SPTB: variants seen among roughly 807,000 people sequenced by gnomAD.
SPTB encodes the protein spectrin beta, erythrocytic, also known as spectrin beta chain, erythrocytic.
In SPTB, 45 loss-of-function variants were observed where a neutral mutation model predicts 256.2. That is an observed-to-expected ratio of 0.18 (90% confidence interval 0.14 to 0.23). The LOEUF is 0.23. Among genes scored for constraint, SPTB ranks in the 10% least tolerant of loss-of-function variants. SPTB has a pLI of 1.00. For synonymous variants in SPTB, 1,231 were observed against 1,243.1 expected, an observed-to-expected ratio of 0.99 and a Z score of 0.21; for missense variants, 2,715 against 3,040.4, an observed-to-expected ratio of 0.89 and a Z score of 2.52.
chr14:64,855,402 T>C (rs1420347200), intron 1 of SPTB, among the ~76,000 whole-genome samples: 2 of 152,218 alleles, frequency 1.3e-5, no homozygotes, highest in Admixed American at 6.5e-5. Context: ...TTATTCTTTA[T>C]GGCTTGGGGA....
At chr14:64,822,796 AC>A in intron 2 of SPTB, 150 bp downstream of exon 2, 1 of 1,199,640 alleles carries the variant, frequency 8.3e-7, no homozygotes. Context: ...TCCCAAGGGG[AC>A]CCCCACCTCC....
intron 8 of SPTB, among the ~76,000 whole-genome samples, 156 bp from the exon 9 acceptor site, chr14:64,800,090 C>A (rs1269405112): frequency 1.3e-5 from 2 of 152,220 alleles, no homozygotes; most frequent in Non-Finnish European, 2.9e-5. Context: ...CCCAAGTGTG[C>A]TGGTAGGGCA....
In SPTB at chr14:64,793,360, C is replaced by T. The variant is rs147712872; in HGVS notation, c.2303G>A (p.Gly768Asp). The T allele has an allele frequency of 4.5e-4, 729 of 1,612,188 alleles. 8 individuals carry two copies. The East Asian group carries it at 0.014, about 31-fold the overall frequency. Reference sequence around the variant, plus strand: ...CCCTTCGTCCTGCCCCACATCTTCACCAGAGAGCAGCCGGTGGGCGTCTTG... The same window carrying T: ...CCCTTCGTCCTGCCCCACATCTTCATCAGAGAGCAGCCGGTGGGCGTCTTG... ...WLQDAHRLLS[G>D]EDVGQDEGAT... The change falls in exon 14 of 36, where the codon GGT becomes GAT. Residue 768 changes from glycine to aspartate, a missense_variant. By Grantham distance (94) the Gly-to-Asp change is moderately conservative. Around this residue, in one of 4 missense-constraint regions of SPTB, gnomAD observed 2,239 missense variants for 2,384.4 expected, o/e 0.94. Coordinates refer to ENST00000644917, the MANE Select transcript of SPTB (RefSeq NM_001355436.2). This position sits in a 1 kb window ranked among gnomAD's most constrained non-coding sequence, Gnocchi z 7.0.
chr14:64,815,836 C>T (rs371251285), intron 2 of SPTB, among the ~76,000 whole-genome samples: 1 of 152,270 alleles, frequency 6.6e-6, no homozygotes, highest in East Asian at 1.9e-4. Flanking sequence ...GGGCTTTGGG[C>T]GTCATCTAGT....
At chr14:64,839,081 G>A (rs539345862) in intron 1 of SPTB, among the ~76,000 whole-genome samples, 34 of 151,906 alleles carry the variant, frequency 2.2e-4, no homozygotes, top group Non-Finnish European at 3.5e-4. Flanking sequence ...GCAGTGAGCC[G>A]AGATCGCACC....
intron 1 of SPTB, among the ~76,000 whole-genome samples, chr14:64,832,628 A>G (rs1187344021): frequency 6.6e-6 from 1 of 152,122 alleles, no homozygotes; most frequent in African/African-American, 2.4e-5. Flanking sequence ...AAGGCCCACA[A>G]GCCCCTCATG....
rs570395215 is a variant in SPTB, at chr14:64,749,368, C to T, written c.6925G>A (p.Asp2309Asn). ...SLPLPSLSGP[D>N]ASLGKKDKEK... The stretch of plus-strand genomic sequence containing the variant: ...TTGTCTTTCTTGCCGAGGCTGGCGT[C>T]GGGGCCGGAGAGGGAAGGCAGGGGC... Residue 2309 changes from aspartate to asparagine, a missense_variant, in exon 36 of 36, where the codon GAC becomes AAC. Coordinates refer to ENST00000644917, the MANE Select transcript of SPTB (RefSeq NM_001355436.2). This position sits in a 1 kb window ranked among gnomAD's most constrained non-coding sequence, Gnocchi z 4.7. 1.8e-5 allele frequency: 29 copies of T among 1,610,462 alleles called. No homozygotes were observed. In the East Asian group the frequency reaches 2.5e-4, roughly 14 times the overall value.
rs769475215 is a variant in SPTB, at chr14:64,793,839, G to T, written c.1824C>A (p.Ile608=). ...KGYQPCDPQV[I]QDRISHLEQC... ...GCTCCAAGTGGCTGATGCGGTCCTGGATGACCTGGGGGTCACAAGGCTGGT... is the reference window on the plus strand; with the variant it reads ...GCTCCAAGTGGCTGATGCGGTCCTGTATGACCTGGGGGTCACAAGGCTGGT... Residue 608 remains isoleucine, a synonymous_variant, in exon 14 of 36, where the codon ATC becomes ATA. Coordinates refer to ENST00000644917, the MANE Select transcript of SPTB (RefSeq NM_001355436.2). The surrounding 1 kb of genome is among the most constrained non-coding windows in gnomAD (Gnocchi z 7.0). 3.1e-6 allele frequency: 5 copies of T among 1,608,638 alleles called. No homozygotes were observed. The African/African-American group carries it at 6.7e-5, about 21-fold the overall frequency.
At chr14:64,842,482 G>A (rs2083622042) in intron 1 of SPTB, among the ~76,000 whole-genome samples, 1 of 152,160 alleles carries the variant, frequency 6.6e-6, no homozygotes, top group Non-Finnish European at 1.5e-5. Flanking sequence ...CTTAGTAGCT[G>A]GGAGCCCTAG....
At position 64,876,307 on chromosome 14, in the gene SPTB, A is replaced by C. The variant is rs536687549; in HGVS notation, c.-52+3485T>G. ...CAGGTGCCCACCACCACACCTGGCT[A>C]ATTTTTGTATTTTTAGTAGAGATAG... On this transcript the variant is annotated intron_variant, in intron 1 of 35. Transcript: ENST00000644917. 1.0e-3 allele frequency among the ~76,000 whole-genome samples: 155 copies of C among 152,092 alleles called. 1 individual carries two copies. The highest frequency in any genetic ancestry group is 2.0e-3 in the Non-Finnish European group (133 of 67,986).
chr14:64,840,685 T>TCTTCACCATCC (rs1555375883), intron 1 of SPTB, among the ~76,000 whole-genome samples: 2 of 152,164 alleles, frequency 1.3e-5, no homozygotes, highest in Non-Finnish European at 2.9e-5. Context: ...CAGAGCCCTT[T>TCTTCACCATCC]CTTCACCATC....
At position 64,812,860 on chromosome 14, in the gene SPTB, C is replaced by G. The variant is rs575237074; in HGVS notation, c.149-7770G>C. On this transcript the variant is annotated intron_variant, in intron 2 of 35. Transcript: ENST00000644917. ...TTATTGCTTCCATGGCTTTCTATTA[C>G]ATTCCTTGAGGGCTTTGTGCCTCTC... Among the ~76,000 whole-genome samples the G allele has an allele frequency of 3.4e-4, 52 of 152,292 alleles. 1 individual carries two copies. The South Asian group carries it at 0.01, about 30-fold the overall frequency.
At chr14:64,767,390 A>G (rs572815243) in intron 30 of SPTB, 38 bp from the exon 31 acceptor site, 2 of 1,613,520 alleles carry the variant, frequency 1.2e-6, no homozygotes, top group African/African-American at 2.7e-5. Flanking sequence ...GAGCAGCCAC[A>G]GAGGCGAGTT....
At chr14:64,767,619 C>G (rs920619988) in intron 30 of SPTB, 44 bp downstream of exon 30, 1 of 1,609,810 alleles carries the variant, frequency 6.2e-7, no homozygotes. Context: ...CCTGGGGGCA[C>G]AGTTGCCACC....
chr14:64,785,682 C>A lies in SPTB; in HGVS notation c.3765-55G>T, dbSNP rs779125827. ...ATAGTGCCGAGCTTGGGGTCCTCAC[C>A]AAGCTTGGGGTCCTCACTACCCCCG... On this transcript the variant is annotated intron_variant, in intron 17 of 35. Transcript: ENST00000644917. The surrounding 1 kb of genome is among the most constrained non-coding windows in gnomAD (Gnocchi z 4.4). 3.7e-6 allele frequency: 6 copies of A among 1,613,434 alleles called. No homozygotes were observed. The highest frequency in any genetic ancestry group is 2.2e-5 in the South Asian group (2 of 91,056).
In SPTB at chr14:64,791,818, G is replaced by A. The variant is rs1439464736; in HGVS notation, c.2705C>T (p.Thr902Ile). The A allele has an allele frequency of 6.2e-7, 1 of 1,614,088 alleles. No homozygotes were observed. Among genetic ancestry groups the A allele is most frequent in the South Asian group, 1.1e-5 (1 of 91,088 alleles). The part of the protein sequence containing the change: ...ILDQEMKTLM[T>I]QIDGVNLAAN... The stretch of plus-strand genomic sequence containing the variant: ...AGCGAGGTTCACACCATCAATCTGA[G>A]TCATCAAGGTCTTCATCTCCTGGTC... Residue 902 changes from threonine to isoleucine, a missense_variant, in exon 15 of 36, where the codon ACT becomes ATT. Thr to Ile is a moderately conservative substitution (Grantham distance 89). This residue lies in a region of SPTB where 2,239 missense variants were observed against 2,384.4 expected (regional missense o/e 0.94). Coordinates refer to ENST00000644917, the MANE Select transcript of SPTB (RefSeq NM_001355436.2).
At chr14:64,822,767 A>T (rs1359425753) in intron 2 of SPTB, among the ~76,000 whole-genome samples, 180 bp downstream of exon 2, 3 of 152,200 alleles carry the variant, frequency 2.0e-5, no homozygotes, top group Non-Finnish European at 4.4e-5. Flanking sequence ...CCTTGGGGGC[A>T]GAGGCTGCCT....
Position 64,769,748 on chromosome 14 carries a change from G to T in SPTB, c.5799-20C>A. ...ACATCCCTGGGGGACAGGAGGACAA[G>T]GGAAGAAGGGAACTCTGGGTCACTC... is the stretch of plus-strand genomic sequence containing the variant. On this transcript the variant is annotated intron_variant, in intron 27 of 35. Coordinates refer to ENST00000644917, the MANE Select transcript of SPTB (RefSeq NM_001355436.2). 1 of 1,614,054 alleles carries T rather than the reference G, an allele frequency of 6.2e-7. No individual in the cohort carries two copies. The highest frequency in any genetic ancestry group is 1.3e-5 in the African/African-American group (1 of 75,040).
rs532604549 is a variant in SPTB, at chr14:64,779,096, C to T, written c.4563+61G>A. On this transcript the variant is annotated intron_variant, in intron 22 of 35. Transcript: ENST00000644917. The surrounding 1 kb of genome is among the most constrained non-coding windows in gnomAD (Gnocchi z 4.2). ...TGCAGGTCAGGGCTGGGCCTACCCC[C>T]GTGGGGCCAGGTGGGGGTGAGGAGG... 1.1e-3 allele frequency: 1,373 copies of T among 1,273,600 alleles called. 1 individual carries two copies. Among genetic ancestry groups the T allele is most frequent in the Non-Finnish European group, 1.3e-3 (1,226 of 933,592 alleles). The allele number at this position is 1,273,600 out of a possible 1,614,324, so 78.9% of individuals were successfully genotyped here.
Sources: allele counts gnomAD v4.1 joint callset (sites outside exome capture counted in the v4.1 genomes callset), GRCh38; gene constraint gnomAD v4.1.1; regional missense constraint gnomAD v4.1.1; non-coding constraint Gnocchi (gnomAD v3.1); transcripts MANE v1.5; gene names NCBI Gene and HGNC (gene_info 2026-07-23, HGNC 2026-07-21).